Variants in CCDC66 observed in about 807,000 individuals in gnomAD.
CCDC66 encodes coiled-coil domain-containing protein 66.
Under a neutral mutation model 128.3 loss-of-function variants are expected in CCDC66, and 133 were observed. The ratio of observed to expected loss-of-function variants is 1.04; its 90% CI spans 0.90 to 1.20. The LOEUF (loss-of-function observed/expected upper bound fraction) is 1.20. CCDC66 is among the 50% of genes most tolerant of loss of function. The probability of loss-of-function intolerance (pLI) is 0.00; values close to 1 mark genes in which losing one functional copy is unlikely to be tolerated. For missense variants in CCDC66, 1,126 were observed against 1,075.5 expected, an observed-to-expected ratio of 1.05 and a Z score of -0.66; for synonymous variants, 387 against 357.0, an observed-to-expected ratio of 1.08 and a Z score of -0.95.
chr3:56,607,544 T>C (rs1017889752), intron 10 of CCDC66, among the ~76,000 whole-genome samples: 1 of 152,054 alleles, frequency 6.6e-6, no homozygotes, highest in Non-Finnish European at 1.5e-5. Context: ...TCTGGAGGAG[T>C]CTTACAGACT....
chr3:56,592,237 A>G (rs559408701), intron 7 of CCDC66, among the ~76,000 whole-genome samples: 1 of 152,344 alleles, frequency 6.6e-6, no homozygotes, highest in African/African-American at 2.4e-5. Flanking sequence ...ACATCTTTCT[A>G]TATTCTCCTT....
At chr3:56,620,616 T>C (rs2076328481) in intron 17 of CCDC66, 2 of 152,164 alleles carry the variant, frequency 1.3e-5, no homozygotes, top group East Asian at 1.9e-4. Flanking sequence ...AACTAGAAAA[T>C]TGTCCCCCCA....
chr3:56,593,933 T>C lies in CCDC66; in HGVS notation c.1320-11T>C, dbSNP rs537072798. 4.3e-6 allele frequency: 7 copies of C among 1,613,930 alleles called. No homozygotes were observed. In the South Asian group the frequency reaches 4.4e-5, roughly 10 times the overall value. ...TGAGGTTTTGAATAGCTAATGTATG[T>C]ATCTTGCCAGCTTTCTCCGTTCTAT... On this transcript the variant is annotated splice_polypyrimidine_tract_variant and intron_variant, in intron 9 of 17. Coordinates refer to ENST00000394672, the MANE Select transcript of CCDC66 (RefSeq NM_001141947.3).
intron 4 of CCDC66, among the ~76,000 whole-genome samples, chr3:56,565,554 G>A (rs2065711536): frequency 6.7e-6 from 1 of 150,132 alleles, no homozygotes; most frequent in South Asian, 2.1e-4. Context: ...GCCTCCTAAA[G>A]TGCTGGGATT....
chr3:56,597,571 A>T (rs1454557499), intron 10 of CCDC66, among the ~76,000 whole-genome samples: 1 of 151,750 alleles, frequency 6.6e-6, no homozygotes, highest in Non-Finnish European at 1.5e-5. Flanking sequence ...GTAGTTTTTT[A>T]TGTAGAAATG....
Position 56,593,925 on chromosome 3 carries a change from A to ACC in CCDC66, c.1320-19_1320-18insCC, listed in dbSNP as rs1559702656. On this transcript the variant is annotated intron_variant, in intron 9 of 17. Transcript: ENST00000394672. ...TACCTTTTTGAGGTTTTGAATAGCT[A>ACC]ATGTATGTATCTTGCCAGCTTTCTC... The ACC allele has an allele frequency of 6.2e-7, 1 of 1,612,462 alleles. No individual in the cohort carries two copies. Among genetic ancestry groups the ACC allele is most frequent in the Non-Finnish European group, 8.5e-7 (1 of 1,178,544 alleles).
chr3:56,615,795 TG>T lies in CCDC66; in HGVS notation c.1712-126del, dbSNP rs1055950853. On this transcript the variant is annotated intron_variant, in intron 12 of 17. Transcript: ENST00000394672. ...AACTGATAGGAATGTGGGTACTTTT[TG>T]TAAGAAAATTTTTATTGCAGTGTTC... 4.8e-5 allele frequency: 34 copies of T among 706,664 alleles called. No individual in the cohort carries two copies. The Middle Eastern group carries it at 1.3e-3, about 27-fold the overall frequency. 43.8% of individuals were successfully genotyped at this position (706,664 alleles called of 1,614,324 possible). A position where few individuals can be genotyped will look rare whatever the true frequency, so the allele number is the denominator to read the frequency against.
intron 7 of CCDC66, among the ~76,000 whole-genome samples, chr3:56,584,917 C>A (rs1265968887): frequency 1.3e-5 from 2 of 151,958 alleles, no homozygotes; most frequent in Non-Finnish European, 2.9e-5. Flanking sequence ...TAGCGAAACC[C>A]CGTCTCCACC....
At chr3:56,621,333 T>C (rs1418337645) in intron 17 of CCDC66, 199 bp from the exon 18 acceptor site, 7 of 391,508 alleles carry the variant, frequency 1.8e-5, no homozygotes, top group African/African-American at 4.1e-5. Context: ...ATTTTTATGC[T>C]AAAAACAGAA....
chr3:56,572,370 G>C, intron 7 of CCDC66: 2 of 1,289,690 alleles, frequency 1.6e-6, no homozygotes, highest in Non-Finnish European at 2.0e-6. Context: ...CTCGTAGCCA[G>C]GTTATGGTGG....
chr3:56,583,435 A>G (rs2068780563), intron 7 of CCDC66, among the ~76,000 whole-genome samples: 1 of 151,920 alleles, frequency 6.6e-6, no homozygotes, highest in South Asian at 2.1e-4. Flanking sequence ...TCCTAGGCAG[A>G]GGACCCTGCG....
chr3:56,611,487 G>C (rs1462880720), intron 10 of CCDC66, among the ~76,000 whole-genome samples: 2 of 144,068 alleles, frequency 1.4e-5, no homozygotes, highest in African/African-American at 2.6e-5. Context: ...TATGAAAGAA[G>C]ACCTCCCCAG....
chr3:56,607,117 C>G (rs1018314071), intron 10 of CCDC66, among the ~76,000 whole-genome samples: 1 of 152,074 alleles, frequency 6.6e-6, no homozygotes, highest in Admixed American at 6.6e-5. Flanking sequence ...CTTGCTGTGG[C>G]TATGTGGGCT....
chr3:56,566,107 C>CTTTGTTTTGTTT (rs2065815893), intron 4 of CCDC66, among the ~76,000 whole-genome samples: 1 of 148,822 alleles, frequency 6.7e-6, no homozygotes, highest in South Asian at 2.2e-4. Context: ...CTTCAGTTTC[C>CTTTGTTTTGTTT]TTTGTTTTGT....
intron 1 of CCDC66, 105 bp downstream of exon 1, chr3:56,557,358 G>A: frequency 7.0e-7 from 1 of 1,429,446 alleles, no homozygotes; most frequent in African/African-American, 1.4e-5. Context: ...ACTGGAGAAC[G>A]TTCCCAACCT....
At chr3:56,582,849 TTTATTA>T (rs66485521) in intron 7 of CCDC66, among the ~76,000 whole-genome samples, 6,936 of 134,808 alleles carry the variant, frequency 0.051, 340 homozygotes, top group African/African-American at 0.13. Context: ...CTCAACTTTC[TTTATTA>T]TTATTATTAT....
At chr3:56,619,149 G>C (rs141324775) in intron 15 of CCDC66, 122 bp from the exon 16 acceptor site, 37 of 768,256 alleles carry the variant, frequency 4.8e-5, no homozygotes, top group Non-Finnish European at 7.2e-5. Context: ...AGCTGAGATC[G>C]CGCCACTGCA....
At chr3:56,598,154 G>GTTTTGT (rs111539619) in intron 10 of CCDC66, among the ~76,000 whole-genome samples, 2 of 17,256 alleles carry the variant, frequency 1.2e-4, no homozygotes, top group East Asian at 1.2e-3. Context: ...GTTTTGTTTT[G>GTTTTGT]TTTGTTTGTT....
chr3:56,604,893 C>CT (rs1277961823), intron 10 of CCDC66, among the ~76,000 whole-genome samples: 1 of 152,062 alleles, frequency 6.6e-6, no homozygotes, highest in African/African-American at 2.4e-5. Flanking sequence ...CTCCCTGTCA[C>CT]TTTCAGGTAC....
Sources: allele counts gnomAD v4.1 joint callset (sites outside exome capture counted in the v4.1 genomes callset), GRCh38; gene constraint gnomAD v4.1.1; transcripts MANE v1.5; gene names NCBI Gene and HGNC (gene_info 2026-07-23, HGNC 2026-07-21).